The following NRG1 variants were observed in gnomAD, a reference collection of about 807,000 sequenced individuals.
NRG1 encodes the protein pro-neuregulin-1, membrane-bound isoform.
Under a neutral mutation model 63.8 loss-of-function variants are expected in NRG1, and 18 were observed. That is an observed-to-expected ratio of 0.28 (90% CI 0.19 to 0.42). The LOEUF is 0.42. Among genes scored for constraint, NRG1 ranks in the 10% least tolerant of loss-of-function variants. The pLI, the probability that NRG1 is intolerant of heterozygous loss-of-function variation, is 1.00. For missense variants in NRG1, 762 were observed against 814.7 expected, an observed-to-expected ratio of 0.94 and a Z score of 0.79; for synonymous variants, 302 against 301.3, an observed-to-expected ratio of 1.00 and a Z score of -0.02.
At chr8:32,186,681 C>T (rs1223758407) in intron 1 of NRG1, among the ~76,000 whole-genome samples, 2 of 152,134 alleles carry the variant, frequency 1.3e-5, no homozygotes, top group African/African-American at 4.8e-5. Flanking sequence ...TACCTAGAAC[C>T]TACTGAATTA....
At chr8:31,925,435 T>C (rs116643066) in intron 1 of NRG1, among the ~76,000 whole-genome samples, 2,075 of 152,170 alleles carry the variant, frequency 0.014, 44 homozygotes, top group African/African-American at 0.046. Context: ...GTAAACCCGA[T>C]GTAGTTAATA....
chr8:32,543,284 C>T (rs1448667282), upstream of NRG1, among the ~76,000 whole-genome samples: 2 of 151,956 alleles, frequency 1.3e-5, no homozygotes, highest in Admixed American at 6.6e-5. Context: ...GATGTATACA[C>T]ATGTATGTCT....
intron 1 of NRG1, among the ~76,000 whole-genome samples, chr8:32,145,185 G>A (rs756795475): frequency 7.9e-5 from 12 of 152,136 alleles, no homozygotes; most frequent in East Asian, 1.9e-4. Context: ...ATCTAATGAC[G>A]GCCCAGAAAG....
intron 1 of NRG1, among the ~76,000 whole-genome samples, chr8:31,904,797 G>A (rs930655076): frequency 6.6e-6 from 1 of 152,106 alleles, no homozygotes; most frequent in African/African-American, 2.4e-5. Context: ...AATGCTGAAT[G>A]TTCCCACTTA....
intron 1 of NRG1, among the ~76,000 whole-genome samples, chr8:31,867,089 C>T (rs1404665066): frequency 6.6e-6 from 1 of 152,048 alleles, no homozygotes; most frequent in African/African-American, 2.4e-5. Context: ...AGCCTTTTAC[C>T]TCTTCTTTTT....
chr8:32,719,060 T>G (rs955821564), intron 5 of NRG1, among the ~76,000 whole-genome samples: 3 of 152,140 alleles, frequency 2.0e-5, no homozygotes, highest in African/African-American at 4.8e-5. Context: ...GCACTGATAG[T>G]CAATATCCTT....
chr8:32,305,499 G>A (rs1856085650), intron 1 of NRG1, among the ~76,000 whole-genome samples: 1 of 152,140 alleles, frequency 6.6e-6, no homozygotes, highest in Non-Finnish European at 1.5e-5. Flanking sequence ...GTGCTGAAGA[G>A]TTTCAAACTC....
chr8:31,997,205 T>C (rs536298158), intron 1 of NRG1, among the ~76,000 whole-genome samples: 1 of 145,732 alleles, frequency 6.9e-6, no homozygotes, highest in Admixed American at 6.9e-5. Flanking sequence ...TTTTTTTTAC[T>C]ATGAAGGCAT....
intron 1 of NRG1, among the ~76,000 whole-genome samples, chr8:32,431,151 T>C (rs1009388017): frequency 2.6e-5 from 4 of 152,066 alleles, no homozygotes; most frequent in South Asian, 2.1e-4. Context: ...AGTGGCAGAG[T>C]TGGGATTTAA....
intron 1 of NRG1, among the ~76,000 whole-genome samples, chr8:32,147,755 C>A (rs1837037491): frequency 6.6e-6 from 1 of 152,182 alleles, no homozygotes; most frequent in Non-Finnish European, 1.5e-5. Context: ...CCATTCATAA[C>A]AGCACACCTA....
At chr8:32,497,874 G>A (rs1343350141) in intron 1 of NRG1, among the ~76,000 whole-genome samples, 2 of 151,842 alleles carry the variant, frequency 1.3e-5, no homozygotes, top group Non-Finnish European at 2.9e-5. Context: ...CCCAAGCTGG[G>A]GTGCAATGGC....
intron 1 of NRG1, among the ~76,000 whole-genome samples, chr8:31,739,363 G>A (rs1233953478): frequency 6.6e-6 from 1 of 151,908 alleles, no homozygotes; most frequent in Non-Finnish European, 1.5e-5. Context: ...TATTCATCTT[G>A]GTTTAGCATT....
At chr8:32,559,216 G>A (rs1588300151) in intron 1 of NRG1, among the ~76,000 whole-genome samples, 1 of 123,010 alleles carries the variant, frequency 8.1e-6, no homozygotes, top group Non-Finnish European at 1.6e-5. Flanking sequence ...TGTTTTGCTA[G>A]TATTAGTATG....
intron 1 of NRG1, among the ~76,000 whole-genome samples, chr8:32,362,247 T>G (rs1807316432): frequency 6.6e-6 from 1 of 152,246 alleles, no homozygotes; most frequent in East Asian, 1.9e-4. Flanking sequence ...TGATGGTTTA[T>G]AATCTTTGTG....
chr8:32,139,017 ATTGT>A (rs1385788831), intron 1 of NRG1, among the ~76,000 whole-genome samples: 2 of 152,176 alleles, frequency 1.3e-5, no homozygotes, highest in Non-Finnish European at 2.9e-5. Context: ...GAATGACTAA[ATTGT>A]TTGTTTTTAG....
intron 1 of NRG1, among the ~76,000 whole-genome samples, chr8:31,802,119 A>G (rs1296489884): frequency 1.3e-5 from 2 of 152,216 alleles, no homozygotes; most frequent in African/African-American, 4.8e-5. Context: ...TTCACAGGGC[A>G]TTGGGTCCTC....
intron 1 of NRG1, among the ~76,000 whole-genome samples, chr8:32,131,500 C>A (rs1287439240): frequency 6.6e-6 from 1 of 151,974 alleles, no homozygotes; most frequent in African/African-American, 2.4e-5. Context: ...TAGAAAGGAG[C>A]TTCAGAATAG....
chr8:32,142,838 A>AT (rs935097171), intron 1 of NRG1, among the ~76,000 whole-genome samples: 1 of 152,314 alleles, frequency 6.6e-6, no homozygotes, highest in South Asian at 2.1e-4. Flanking sequence ...TCAGGCATGT[A>AT]TTTTTTTAAA....
At chr8:32,017,323 T>G (rs1413859152) in intron 1 of NRG1, among the ~76,000 whole-genome samples, 1 of 152,126 alleles carries the variant, frequency 6.6e-6, no homozygotes, top group Non-Finnish European at 1.5e-5. Context: ...AAACACAAAC[T>G]GTTTTCCCTC....
Sources: gnomAD v4.1 joint callset for allele counts (sites outside exome capture counted in the v4.1 genomes callset) on GRCh38, gnomAD v4.1.1 for gene constraint, MANE v1.5 for transcripts, NCBI Gene and HGNC (gene_info 2026-07-23, HGNC 2026-07-21) for gene names.